The following CD86 variants were observed in gnomAD, a reference collection of about 807,000 sequenced individuals.
CD86 encodes the protein T-lymphocyte activation antigen CD86.
In CD86, 11 loss-of-function variants were observed where a neutral mutation model predicts 32.1. That is an observed-to-expected ratio of 0.34 (90% CI 0.22 to 0.57). The LOEUF (loss-of-function observed/expected upper bound fraction) is 0.57, where lower values mean the gene tolerates loss of function less well. CD86 is among the 20% of genes least tolerant of loss of function. The pLI, the probability that CD86 is intolerant of heterozygous loss-of-function variation, is 0.86. For synonymous variants in CD86, 137 were observed against 135.3 expected (o/e 1.01, Z -0.09); for missense variants, 359 against 398.4 (o/e 0.90, Z 0.84).
intron 1 of CD86, among the ~76,000 whole-genome samples, chr3:122,090,105 G>A (rs755889184): frequency 8.4e-4 from 127 of 152,052 alleles, no homozygotes; most frequent in Non-Finnish European, 1.7e-3. Context: ...AAGGCTGGGA[G>A]GCAGACTTGC....
chr3:122,098,153 G>A (rs955338156), intron 2 of CD86, among the ~76,000 whole-genome samples: 3 of 152,168 alleles, frequency 2.0e-5, no homozygotes, highest in Non-Finnish European at 4.4e-5. Flanking sequence ...TCTCAGGAGA[G>A]ACAGACAATA....
chr3:122,111,362 G>A (rs186822679), intron 5 of CD86, among the ~76,000 whole-genome samples: 26 of 152,310 alleles, frequency 1.7e-4, no homozygotes, highest in Admixed American at 1.4e-3. Context: ...CCCACAAGAC[G>A]TCCACCTCCT....
intron 3 of CD86, 113 bp from the exon 4 acceptor site, chr3:122,106,084 AG>A: frequency 1.4e-6 from 1 of 719,686 alleles, no homozygotes; most frequent in Non-Finnish European, 2.2e-6. Flanking sequence ...AGACACCCTG[AG>A]GCTCCCAGGT....
At position 122,111,050 on chromosome 3, in the gene CD86, A is replaced by C. The variant is rs979984810; in HGVS notation, c.847+1642A>C. 7.2e-5 allele frequency among the ~76,000 whole-genome samples: 11 copies of C among 152,202 alleles called. 1 individual carries two copies. Among genetic ancestry groups the C allele is most frequent in the South Asian group, 4.1e-4 (2 of 4,824 alleles). On this transcript the variant is annotated intron_variant, in intron 5 of 6. Coordinates refer to ENST00000330540, the MANE Select transcript of CD86 (RefSeq NM_175862.5). ...ATGAGAGAAGTTAGAAGGTGGTTAA[A>C]TAAGCTCTGTAGGTACAGATGAGAT...
intron 1 of CD86, among the ~76,000 whole-genome samples, chr3:122,088,509 CT>C (rs1386641403): frequency 4.6e-5 from 7 of 152,248 alleles, no homozygotes; most frequent in Admixed American, 6.5e-5. Context: ...TGCTGTCTCC[CT>C]CCCTTCCAGC....
intron 2 of CD86, among the ~76,000 whole-genome samples, chr3:122,096,618 C>A (rs2072912614): frequency 6.6e-6 from 1 of 152,160 alleles, no homozygotes; most frequent in African/African-American, 2.4e-5. Flanking sequence ...TTTCTTTAAT[C>A]CTCACAACAA....
chr3:122,066,542 C>A (rs746884968), intron 1 of CD86, among the ~76,000 whole-genome samples: 1 of 152,164 alleles, frequency 6.6e-6, no homozygotes, highest in Non-Finnish European at 1.5e-5. Context: ...TCTTTGGCAG[C>A]TGGCCAAAAC....
At chr3:122,111,908 T>C (rs73184024) in intron 5 of CD86, among the ~76,000 whole-genome samples, 3,957 of 152,320 alleles carry the variant, frequency 0.026, 76 homozygotes, top group Non-Finnish European at 0.042. Context: ...CTCATTATAG[T>C]TTTTCTATGC....
chr3:122,118,827 G>T (rs2073297533), intron 6 of CD86, among the ~76,000 whole-genome samples: 1 of 152,180 alleles, frequency 6.6e-6, no homozygotes, highest in African/African-American at 2.4e-5. Flanking sequence ...AAGAATGATT[G>T]ATGCATGATG....
At chr3:122,077,925 A>G in intron 1 of CD86, 1 of 985,328 alleles carries the variant, frequency 1.0e-6, no homozygotes, top group East Asian at 1.1e-4. Flanking sequence ...AGGTACGGGG[A>G]GCTCGCAAAT....
intron 1 of CD86, among the ~76,000 whole-genome samples, chr3:122,090,162 AT>A (rs1559905814): frequency 1.3e-5 from 2 of 152,176 alleles, no homozygotes; most frequent in South Asian, 4.1e-4. Flanking sequence ...TACCATCTAC[AT>A]TTAGTACCAT....
chr3:122,069,621 C>T (rs543082233), intron 1 of CD86, among the ~76,000 whole-genome samples: 1 of 151,768 alleles, frequency 6.6e-6, no homozygotes, highest in East Asian at 1.9e-4. Flanking sequence ...CATCAGTTTC[C>T]CACACTACAG....
At chr3:122,071,894 A>C (rs1190649994) in intron 1 of CD86, among the ~76,000 whole-genome samples, 12 of 83,290 alleles carry the variant, frequency 1.4e-4, no homozygotes, top group Non-Finnish European at 1.8e-4. Flanking sequence ...CCCACCCCAC[A>C]ACAGTCCCCA....
intron 5 of CD86, among the ~76,000 whole-genome samples, chr3:122,113,587 G>T (rs896735978): frequency 1.8e-4 from 28 of 152,052 alleles, no homozygotes; most frequent in African/African-American, 6.5e-4. Flanking sequence ...GTTTTAATTT[G>T]CATTTCCCTG....
At chr3:122,081,734 C>T (rs2107517313) in intron 1 of CD86, among the ~76,000 whole-genome samples, 1 of 152,342 alleles carries the variant, frequency 6.6e-6, no homozygotes. Context: ...GGAACTTCAT[C>T]TGCTATAACA....
At chr3:122,084,112 G>A (rs1028482812) in intron 1 of CD86, among the ~76,000 whole-genome samples, 2 of 152,130 alleles carry the variant, frequency 1.3e-5, no homozygotes, top group Non-Finnish European at 2.9e-5. Context: ...TCAGCCTCCT[G>A]AGTAGCTGAA....
At chr3:122,094,859 C>T (rs2072881761) in intron 2 of CD86, among the ~76,000 whole-genome samples, 1 of 152,196 alleles carries the variant, frequency 6.6e-6, no homozygotes, top group African/African-American at 2.4e-5. Context: ...AATTAGGTTA[C>T]AGTTTGTGCC....
intron 1 of CD86, among the ~76,000 whole-genome samples, chr3:122,087,889 T>G (rs2072750133): frequency 6.6e-6 from 1 of 152,144 alleles, no homozygotes; most frequent in African/African-American, 2.4e-5. Context: ...GTTTCCAAAC[T>G]GAGAAATCAA....
At chr3:122,096,818 C>T (rs879741734) in intron 2 of CD86, among the ~76,000 whole-genome samples, 3 of 152,234 alleles carry the variant, frequency 2.0e-5, no homozygotes, top group Non-Finnish European at 2.9e-5. Flanking sequence ...TTCACAGCTA[C>T]ATGGCATTAC....
Sources: gnomAD v4.1 joint callset for allele counts (sites outside exome capture counted in the v4.1 genomes callset) on GRCh38, gnomAD v4.1.1 for gene constraint, MANE v1.5 for transcripts, NCBI Gene and HGNC (gene_info 2026-07-23, HGNC 2026-07-21) for gene names.